RALGDS: variants seen among roughly 807,000 people sequenced by gnomAD.
RALGDS encodes ral guanine nucleotide exchange factor.
A neutral mutation model predicts 99.8 loss-of-function variants in RALGDS; 44 were observed. That is an observed-to-expected ratio of 0.44 (90% CI 0.35 to 0.57). The LOEUF (loss-of-function observed/expected upper bound fraction) is 0.57. Ranked by LOEUF, RALGDS falls within the 20% of genes least tolerant of loss-of-function variation. The pLI is 0.01. For missense variants in RALGDS, 1,022 were observed against 1,203.1 expected (o/e 0.85, Z 2.23); for synonymous variants, 529 against 505.0 (o/e 1.05, Z -0.64).
Position 133,098,259 on chromosome 9 carries a change from TGGGAAGGTGTCA to T in RALGDS, c.*316_*327del. 2.3e-6 allele frequency: 1 copy of T among 441,184 alleles called. No individual in the cohort carries two copies. The highest frequency in any genetic ancestry group is 6.4e-4 in the Middle Eastern group (1 of 1,562). The allele number at this position is 441,184 out of a possible 1,614,324, so 27.3% of individuals were successfully genotyped here. A position where few individuals can be genotyped will look rare whatever the true frequency, so the allele number is the denominator to read the frequency against. Reference sequence around the variant, plus strand: ...GGCACAGGTGGCAGTGACCCACACCTGGGAAGGTGTCAGGGAAGTGTACAGAGGTGGCGCCCG... The same window carrying T: ...GGCACAGGTGGCAGTGACCCACACCTGGGAAGTGTACAGAGGTGGCGCCCG... On this transcript the variant is annotated 3_prime_UTR_variant, in exon 18 of 18. Transcript: ENST00000372050.
chr9:133,126,847 T>C (rs576303), intron 1 of RALGDS, among the ~76,000 whole-genome samples: 135,820 of 152,244 alleles, frequency 0.89, 61,400 homozygotes, highest in East Asian at 1. Context: ...AGTCACTCTC[T>C]GGCCCCTGAG....
rs1250175837 is a variant in RALGDS at position 133,106,008 on chromosome 9, A to T, written c.1526T>A (p.Phe509Tyr). 2 of 1,608,494 alleles carry T rather than the reference A, an allele frequency of 1.2e-6. No homozygotes were observed. The highest frequency in any genetic ancestry group is 2.7e-5 in the African/African-American group (2 of 74,254). The change falls in exon 9 of 18, where the codon TTC becomes TAC. Residue 509 changes from phenylalanine to tyrosine, a missense_variant. By Grantham distance (22) the Phe-to-Tyr change is conservative. Around this residue, in one of 3 missense-constraint regions of RALGDS, gnomAD observed 825 missense variants for 994.5 expected, o/e 0.83. Transcript: ENST00000372050. ...CTCTGACAGCTTCTGAAAGATCCGG[A>T]AACTGTCCCTGTCAGAAGGGCAAAG... The part of the protein sequence containing the change: ...KTWEDVSRDS[F>Y]RIFQKLSEIF...
chr9:133,123,909 G>GAC (rs61109579), upstream of RALGDS, among the ~76,000 whole-genome samples: 3 of 29,236 alleles, frequency 1.0e-4, 1 homozygote, highest in African/African-American at 2.0e-4. Flanking sequence ...CAGAGACACA[G>GAC]ACACACACAC....
intron 1 of RALGDS, among the ~76,000 whole-genome samples, chr9:133,119,889 G>A (rs530541190): frequency 1.3e-5 from 2 of 152,186 alleles, no homozygotes; most frequent in African/African-American, 4.8e-5. Flanking sequence ...GGGACACCAA[G>A]AGGCACGAGA....
intron 17 of RALGDS, 28 bp downstream of exon 17, chr9:133,100,240 G>T: frequency 6.3e-7 from 1 of 1,599,480 alleles, no homozygotes; most frequent in Non-Finnish European, 8.6e-7. Flanking sequence ...TGCCCCCTCT[G>T]CCATCGCCCT....
At chr9:133,140,591 T>C (rs965981297) in intron 1 of RALGDS, among the ~76,000 whole-genome samples, 1 of 151,916 alleles carries the variant, frequency 6.6e-6, no homozygotes, top group African/African-American at 2.4e-5. Context: ...CGGCCCCCCT[T>C]ATCCTTCCCA....
chr9:133,145,051 G>A (rs1832600734), intron 1 of RALGDS, among the ~76,000 whole-genome samples: 1 of 152,232 alleles, frequency 6.6e-6, no homozygotes, highest in South Asian at 2.1e-4. Context: ...GCCACCAGAG[G>A]TTGGAAGATG....
intron 8 of RALGDS, among the ~76,000 whole-genome samples, 198 bp downstream of exon 8, chr9:133,106,446 CT>C (rs1831062709): frequency 1.3e-5 from 2 of 152,096 alleles, no homozygotes; most frequent in Non-Finnish European, 2.9e-5. Context: ...ACACGAATAC[CT>C]GAAAATCTCT....
rs763187759 is a variant in RALGDS at position 133,108,738 on chromosome 9, T to C, written c.713A>G (p.Glu238Gly). ...VQLNMPGSDL[E>G]RRAHLLLAQL... ...GGCCAGGAGAAGGTGGGCACGGCGCTCCAGGTCTGAGCCTGGCATGTTGAG... is the reference window on the plus strand; with the variant it reads ...GGCCAGGAGAAGGTGGGCACGGCGCCCCAGGTCTGAGCCTGGCATGTTGAG... Residue 238 changes from glutamate (E) to glycine (G), a missense_variant, in exon 5 of 18, where the codon GAG becomes GGG. Glu to Gly is a moderately conservative substitution (Grantham distance 98). Transcript: ENST00000372050. 1.7e-5 allele frequency: 28 copies of C among 1,613,590 alleles called. No homozygotes were observed. Among genetic ancestry groups the C allele is most frequent in the South Asian group, 1.3e-4 (12 of 91,084 alleles).
chr9:133,110,301 G>T lies in RALGDS; in HGVS notation c.483C>A (p.Phe161Leu). The change falls in exon 3 of 18, where the codon TTC becomes TTA. Residue 161 changes from phenylalanine to leucine, a missense_variant. Phe to Leu is a conservative substitution (Grantham distance 22). Transcript: ENST00000372050. ...AGTGGAGGGCTCATGCTCACCTTTT[G>T]AACAGCAGGTCCAGGACCTGTTGGG... is the stretch of plus-strand genomic sequence containing the variant. The part of the protein sequence containing the change: ...TTTQQVLDLL[F>L]KRYGRCDALT... 6.2e-7 allele frequency: 1 copy of T among 1,613,394 alleles called. No homozygotes were observed. Among genetic ancestry groups the T allele is most frequent in the South Asian group, 1.1e-5 (1 of 91,034 alleles).
In RALGDS at chr9:133,101,994, C is replaced by A; in HGVS notation, c.2155G>T (p.Val719Leu). Residue 719 changes from valine to leucine, a missense_variant, in exon 15 of 18, where the codon GTG (valine) becomes TTG (leucine). Coordinates refer to ENST00000372050, the MANE Select transcript of RALGDS (RefSeq NM_006266.4). Reference protein sequence around the residue: ...VHSAGSSSSDVEEINISFVPE... With the variant: ...VHSAGSSSSDLEEINISFVPE... ...ACGAAGCTGATGTTGATCTCCTCCA[C>A]GTCGGAGCTAGAGGAGCCGGCCGAG... 1.3e-6 allele frequency: 2 copies of A among 1,552,074 alleles called. No homozygotes were observed. The highest frequency in any genetic ancestry group is 1.7e-6 in the Non-Finnish European group (2 of 1,147,392).
chr9:133,110,332 G>T lies in RALGDS; in HGVS notation c.452C>A (p.Thr151Asn). 6.2e-7 allele frequency: 1 copy of T among 1,613,910 alleles called. No homozygotes were observed. Among genetic ancestry groups the T allele is most frequent in the South Asian group, 1.1e-5 (1 of 91,086 alleles). The change falls in exon 3 of 18, where the codon ACC becomes AAC. Residue 151 changes from threonine (T) to asparagine (N), a missense_variant. Transcript: ENST00000372050. ...CAGGTCCAGGACCTGTTGGGTGGTG[G>T]TGAAGGCTCTATAGGTACACAGGAA... ...TIFLCTYRAF[T>N]TTQQVLDLLF... is the part of the protein sequence containing the mutation.
intron 6 of RALGDS, among the ~76,000 whole-genome samples, chr9:133,107,504 G>T (rs1831129258): frequency 6.6e-6 from 1 of 152,248 alleles, no homozygotes; most frequent in South Asian, 2.1e-4. Context: ...CCAAGCCCCA[G>T]CTCCAACAGG....
upstream of RALGDS, among the ~76,000 whole-genome samples, chr9:133,125,739 A>G (rs920966072): frequency 4.6e-5 from 7 of 152,162 alleles, no homozygotes; most frequent in Admixed American, 6.5e-5. Context: ...CCGTCTCAAA[A>G]AAAGAAGAAA....
chr9:133,119,954 C>T (rs1326656076), intron 1 of RALGDS, among the ~76,000 whole-genome samples: 2 of 152,156 alleles, frequency 1.3e-5, no homozygotes, highest in Admixed American at 6.5e-5. Flanking sequence ...AGCCATGAAG[C>T]GACTGGAGAC....
rs1161769270 is a variant in RALGDS, at chr9:133,121,055, G to A, written c.100C>T (p.Arg34Cys). The A allele has an allele frequency of 1.3e-6, 2 of 1,491,022 alleles. No individual in the cohort carries two copies. The highest frequency in any genetic ancestry group is 1.8e-6 in the Non-Finnish European group (2 of 1,126,916). 92.4% of individuals were successfully genotyped at this position (1,491,022 alleles called of 1,614,324 possible). A position where few individuals can be genotyped will look rare whatever the true frequency, so the allele number is the denominator to read the frequency against. Residue 34 changes from arginine to cysteine, a missense_variant, in exon 1 of 18, where the codon CGC (arginine) becomes TGC (cysteine). Transcript: ENST00000372050. ...RRSRSVWDAV[R>C]LEVGVPDSCP... is the part of the protein sequence containing the mutation. ...CTGTCGGGGACGCCCACCTCCAGGC[G>A]CACGGCGTCCCACACGCTGCGGCTC...
Position 133,102,062 on chromosome 9 carries a change from G to A in RALGDS, c.2087C>T (p.Pro696Leu). 6.4e-7 allele frequency: 1 copy of A among 1,567,086 alleles called. No homozygotes were observed. The highest frequency in any genetic ancestry group is 8.7e-7 in the Non-Finnish European group (1 of 1,155,504). Reference sequence around the variant, plus strand: ...AGCGATGTCCCCGCTGCTGAGGTAGGGGCCACACCTGAGCTGGTCACAGGA... The same window carrying A: ...AGCGATGTCCCCGCTGCTGAGGTAGAGGCCACACCTGAGCTGGTCACAGGA... ...SKSCDQLRCG[P>L]YLSSGDIADA... The change falls in exon 15 of 18, where the codon CCC becomes CTC. Residue 696 changes from proline (P) to leucine (L), a missense_variant. This residue lies in a region of RALGDS where 825 missense variants were observed against 994.5 expected (regional missense o/e 0.83). Coordinates refer to ENST00000372050, the MANE Select transcript of RALGDS (RefSeq NM_006266.4).
chr9:133,138,793 C>T (rs1416553723), intron 1 of RALGDS, among the ~76,000 whole-genome samples: 1 of 152,180 alleles, frequency 6.6e-6, no homozygotes, highest in Non-Finnish European at 1.5e-5. Flanking sequence ...CACCACCACG[C>T]CCGGCTAATT....
chr9:133,135,107 G>A (rs1047587323), upstream of RALGDS, among the ~76,000 whole-genome samples: 2 of 152,166 alleles, frequency 1.3e-5, no homozygotes, highest in African/African-American at 4.8e-5. Flanking sequence ...GTGTGGTGGG[G>A]AGGCAGAGCC....
Sources: gnomAD v4.1 joint callset for allele counts (sites outside exome capture counted in the v4.1 genomes callset) on GRCh38, gnomAD v4.1.1 for gene constraint, gnomAD v4.1.1 regional missense constraint, MANE v1.5 for transcripts, NCBI Gene and HGNC (gene_info 2026-07-23, HGNC 2026-07-21) for gene names.